Variants in AMOTL1 observed in about 807,000 individuals in gnomAD.
AMOTL1 encodes angiomotin-like protein 1.
A neutral mutation model predicts 102.9 loss-of-function variants in AMOTL1; 45 were observed. The ratio of observed to expected loss-of-function variants is 0.44; its 90% CI spans 0.34 to 0.56. AMOTL1 has a LOEUF of 0.56. Ranked by LOEUF, AMOTL1 falls within the 20% of genes least tolerant of loss-of-function variation. AMOTL1 has a pLI of 0.01. For synonymous variants in AMOTL1, 481 were observed against 484.7 expected, an observed-to-expected ratio of 0.99 and a Z score of 0.10; for missense variants, 1,114 against 1,225.6, an observed-to-expected ratio of 0.91 and a Z score of 1.36.
intron 1 of AMOTL1, among the ~76,000 whole-genome samples, chr11:94,782,822 T>G (rs1009112709): frequency 6.6e-6 from 1 of 152,226 alleles, no homozygotes. Context: ...CAGAAGCAGA[T>G]ATGAGAATCC....
intron 6 of AMOTL1, among the ~76,000 whole-genome samples, chr11:94,834,643 G>A (rs767615398): frequency 6.6e-6 from 1 of 152,190 alleles, no homozygotes; most frequent in South Asian, 2.1e-4. Context: ...GCCCGAGTTA[G>A]GCTGTGAAGC....
chr11:94,768,639 C>T (rs1950892960), intron 1 of AMOTL1, 79 bp downstream of exon 1: 13 of 1,543,012 alleles, frequency 8.4e-6, no homozygotes, highest in African/African-American at 1.4e-5. Context: ...CCGGGCTCCC[C>T]GGGCCCCTGC....
chr11:94,851,117 A>G (rs969204452), intron 7 of AMOTL1, among the ~76,000 whole-genome samples: 4 of 152,202 alleles, frequency 2.6e-5, no homozygotes, highest in Non-Finnish European at 2.9e-5. Flanking sequence ...TAATACTAGC[A>G]TAAGGCTCCG....
chr11:94,839,099 C>T (rs1280374121), intron 6 of AMOTL1, among the ~76,000 whole-genome samples: 1 of 152,190 alleles, frequency 6.6e-6, no homozygotes, highest in Non-Finnish European at 1.5e-5. Context: ...AACCAGAGCC[C>T]AGTAACCAGC....
rs138213223 is a variant in AMOTL1, at chr11:94,725,245, G to A, written c.-50-3676G>A. Among the ~76,000 whole-genome samples, 202 of 152,234 alleles carry A rather than the reference G, an allele frequency of 1.3e-3. 2 individuals are homozygous for A. The highest frequency in any genetic ancestry group is 3.8e-3 in the African/African-American group (159 of 41,552). On this transcript the variant is annotated intron_variant, in intron 1 of 4. Coordinates refer to the AMOTL1 transcript ENST00000299004. ...TATGTAAGCTGAAGTGTGAGAAGAC[G>A]TGGGGGAATGTAGGCAAGTTAGACT...
intron 3 of AMOTL1, among the ~76,000 whole-genome samples, chr11:94,801,951 C>T (rs1951485607): frequency 6.6e-6 from 1 of 151,792 alleles, no homozygotes; most frequent in African/African-American, 2.4e-5. Context: ...TCCCAAGCGA[C>T]CTCAGTGGCT....
At chr11:94,768,834 G>C (rs1203450727) in intron 1 of AMOTL1, among the ~76,000 whole-genome samples, 1 of 152,076 alleles carries the variant, frequency 6.6e-6, no homozygotes, top group African/African-American at 2.4e-5. Flanking sequence ...GGTGCTGCGC[G>C]CCCGACGCGG....
At chr11:94,763,026 A>G (rs1317951579) in intron 3 of AMOTL1, among the ~76,000 whole-genome samples, 2 of 152,326 alleles carry the variant, frequency 1.3e-5, no homozygotes, top group East Asian at 3.9e-4. Context: ...AACTTTTTTC[A>G]TAATCCACAC....
intron 3 of AMOTL1, among the ~76,000 whole-genome samples, chr11:94,816,278 TA>T (rs1317533119): frequency 6.6e-6 from 1 of 152,164 alleles, no homozygotes; most frequent in Non-Finnish European, 1.5e-5. Context: ...GGCCTTACAC[TA>T]AAAATGTTTT....
intron 4 of AMOTL1, among the ~76,000 whole-genome samples, chr11:94,822,966 G>C (rs1263762116): frequency 6.6e-6 from 1 of 152,174 alleles, no homozygotes; most frequent in Non-Finnish European, 1.5e-5. Flanking sequence ...GCAATAAAGG[G>C]CTTCTGTAAA....
chr11:94,711,904 TTCATGTACAA>T (rs1243747590), intron 1 of AMOTL1, among the ~76,000 whole-genome samples: 1 of 152,154 alleles, frequency 6.6e-6, no homozygotes, highest in Non-Finnish European at 1.5e-5. Flanking sequence ...GCTATGAACA[TTCATGTACAA>T]GTTTTTTGCA....
intron 6 of AMOTL1, among the ~76,000 whole-genome samples, chr11:94,837,500 C>A (rs2135678247): frequency 6.6e-6 from 1 of 152,342 alleles, no homozygotes; most frequent in South Asian, 2.1e-4. Context: ...CTGAGCCTCA[C>A]TGACTTTGGA....
chr11:94,872,637 C>T lies in AMOTL1; in HGVS notation c.*1842C>T, dbSNP rs1049939253. On this transcript the variant is annotated 3_prime_UTR_variant, in exon 13 of 13. Coordinates refer to ENST00000433060, the MANE Select transcript of AMOTL1 (RefSeq NM_130847.3). ...GTACGACAGAGGAGTGGGAACTGGC[C>T]CTCTGGGGCTCTGCTTGGCCATAGG... 7 of 152,254 alleles carry T rather than the reference C, an allele frequency of 4.6e-5. No homozygotes were observed. Among genetic ancestry groups the T allele is most frequent in the African/African-American group, 1.7e-4 (7 of 41,436 alleles). 9.4% of individuals were successfully genotyped at this position (152,254 alleles called of 1,614,324 possible). A position where few individuals can be genotyped will look rare whatever the true frequency, so the allele number is the denominator to read the frequency against.
intron 2 of AMOTL1, among the ~76,000 whole-genome samples, chr11:94,796,181 T>G (rs964593165): frequency 6.6e-6 from 1 of 152,220 alleles, no homozygotes; most frequent in Non-Finnish European, 1.5e-5. Context: ...AAGGGATAAA[T>G]TTCAGTTTAT....
intron 1 of AMOTL1, among the ~76,000 whole-genome samples, chr11:94,711,246 A>G (rs1296039652): frequency 1.3e-5 from 2 of 152,158 alleles, no homozygotes; most frequent in Non-Finnish European, 2.9e-5. Context: ...TAAACAAAGA[A>G]TCATGCAAAC....
At chr11:94,839,792 C>G (rs1342571759) in intron 6 of AMOTL1, among the ~76,000 whole-genome samples, 1 of 152,172 alleles carries the variant, frequency 6.6e-6, no homozygotes, top group African/African-American at 2.4e-5. Context: ...TGTTTTTACA[C>G]TGGGAAGGAT....
At position 94,853,952 on chromosome 11, in the gene AMOTL1, A is replaced by G; in HGVS notation, c.1814A>G (p.Tyr605Cys). Reference protein sequence around the residue: ...LEEELREKQAYVEKVEKLQQA... With the variant: ...LEEELREKQACVEKVEKLQQA... ...ACTCAGTTACGAGAGAAGCAAGCAT[A>G]TGTTGAGAAAGTTGAGAAGCTGCAG... Residue 605 changes from tyrosine to cysteine, a missense_variant, in exon 8 of 13, where the codon TAT becomes TGT. Coordinates refer to ENST00000433060, the MANE Select transcript of AMOTL1 (RefSeq NM_130847.3). The G allele has an allele frequency of 6.2e-7, 1 of 1,609,226 alleles. No individual in the cohort carries two copies. The highest frequency in any genetic ancestry group is 8.5e-7 in the Non-Finnish European group (1 of 1,177,614).
At chr11:94,756,382 T>C (rs1158412945) in intron 3 of AMOTL1, among the ~76,000 whole-genome samples, 1 of 152,198 alleles carries the variant, frequency 6.6e-6, no homozygotes, top group Non-Finnish European at 1.5e-5. Flanking sequence ...TCCTGTATCA[T>C]TATTATGACC....
chr11:94,725,426 A>T (rs1950241296), intron 1 of AMOTL1, among the ~76,000 whole-genome samples: 1 of 152,184 alleles, frequency 6.6e-6, no homozygotes, highest in South Asian at 2.1e-4. Flanking sequence ...GTGCCAAACA[A>T]CACTATTCAT....
Sources: allele counts gnomAD v4.1 joint callset (sites outside exome capture counted in the v4.1 genomes callset), GRCh38; gene constraint gnomAD v4.1.1; transcripts MANE v1.5; gene names NCBI Gene and HGNC (gene_info 2026-07-23, HGNC 2026-07-21).